The following RNASEH2B variants were observed in gnomAD, a reference collection of about 807,000 sequenced individuals.
RNASEH2B encodes Aicardi-Goutieres syndrome 2 protein.
In RNASEH2B, 36 loss-of-function variants were observed where a neutral mutation model predicts 45.0. That is an observed-to-expected ratio of 0.80 (90% confidence interval 0.61 to 1.06). The LOEUF (loss-of-function observed/expected upper bound fraction) is 1.06. RNASEH2B is among the 50% of genes least tolerant of loss of function. The pLI, the probability that RNASEH2B is intolerant of heterozygous loss-of-function variation, is 0.00. For synonymous variants in RNASEH2B, 119 were observed against 125.7 expected, an observed-to-expected ratio of 0.95 and a Z score of 0.35; for missense variants, 361 against 360.3, an observed-to-expected ratio of 1.00 and a Z score of -0.02.
At chr13:50,960,803 A>AT (rs1285191686), downstream of RNASEH2B, among the ~76,000 whole-genome samples, 1 of 152,160 alleles carries the variant, frequency 6.6e-6, no homozygotes, top group African/African-American at 2.4e-5. Context: ...CTAGCTTTCC[A>AT]TTTTTTCCAA....
intron 1 of RNASEH2B, among the ~76,000 whole-genome samples, chr13:50,919,639 G>A (rs1450272854): frequency 1.3e-5 from 2 of 152,192 alleles, no homozygotes; most frequent in Non-Finnish European, 2.9e-5. Flanking sequence ...TTTCCAAGCT[G>A]CAGTTTGTGC....
intron 1 of RNASEH2B, among the ~76,000 whole-genome samples, chr13:50,918,555 C>T (rs1036147479): frequency 2.0e-5 from 3 of 152,192 alleles, no homozygotes; most frequent in African/African-American, 7.2e-5. Context: ...TGGTTTGCCT[C>T]TTGTAGTCTT....
downstream of RNASEH2B, among the ~76,000 whole-genome samples, chr13:50,960,517 T>A (rs1952101416): frequency 6.6e-6 from 1 of 152,178 alleles, no homozygotes; most frequent in Admixed American, 6.5e-5. Context: ...TCCTTAAGGT[T>A]TAAATTAATA....
At chr13:50,935,115 C>A in intron 5 of RNASEH2B, 116 bp downstream of exon 5, 1 of 726,764 alleles carries the variant, frequency 1.4e-6, no homozygotes, top group Non-Finnish European at 2.5e-6. Context: ...ATAGGGAAAA[C>A]TATCATTCAG....
intron 1 of RNASEH2B, 88 bp downstream of exon 1, chr13:50,910,228 G>A (rs1336791855): frequency 3.2e-6 from 3 of 926,820 alleles, no homozygotes; most frequent in Non-Finnish European, 2.9e-6. Flanking sequence ...CACCCCGGTG[G>A]CTCCCACTAC....
At chr13:50,948,644 T>A (rs2138002629) in intron 8 of RNASEH2B, 2 of 152,306 alleles carry the variant, frequency 1.3e-5, no homozygotes, top group South Asian at 4.1e-4. Flanking sequence ...GTGTTAGAAG[T>A]GTTTATTTTC....
chr13:50,943,234 C>A, intron 5 of RNASEH2B, 87 bp from the exon 6 acceptor site: 1 of 792,586 alleles, frequency 1.3e-6, no homozygotes, highest in Non-Finnish European at 2.1e-6. Flanking sequence ...ACAAAATATT[C>A]TTTAAATGGT....
At chr13:50,951,125 T>C (rs1379285411) in intron 9 of RNASEH2B, 1 of 152,276 alleles carries the variant, frequency 6.6e-6, no homozygotes, top group Non-Finnish European at 1.5e-5. Context: ...GATTTTGGCA[T>C]CTTGCTCTTC....
intron 9 of RNASEH2B, 115 bp from the exon 10 acceptor site, chr13:50,953,790 T>A (rs1593479818): frequency 4.2e-6 from 3 of 717,172 alleles, no homozygotes; most frequent in East Asian, 5.4e-5. Flanking sequence ...TTGCTGGGTC[T>A]GCTGTCCCAT....
chr13:50,911,084 C>G (rs561649378), intron 1 of RNASEH2B: 8 of 152,150 alleles, frequency 5.3e-5, no homozygotes, highest in Non-Finnish European at 2.9e-5. Context: ...AAGTATGCAA[C>G]TCACTGAACT....
At chr13:50,956,071 T>C (rs552987508) in intron 10 of RNASEH2B, 3 of 337,982 alleles carry the variant, frequency 8.9e-6, no homozygotes, top group African/African-American at 6.4e-5. Flanking sequence ...TTGTACTTTA[T>C]GCACCCTCCA....
intron 9 of RNASEH2B, 31 bp downstream of exon 9, chr13:50,949,536 G>T (rs200081827): frequency 3.5e-5 from 56 of 1,597,780 alleles, no homozygotes; most frequent in Non-Finnish European, 4.5e-5. Flanking sequence ...TATCTTTGGG[G>T]GACTTAGAAA....
At chr13:50,960,193 T>C, downstream of RNASEH2B, 3 of 1,021,404 alleles carry the variant, frequency 2.9e-6, no homozygotes, top group Non-Finnish European at 3.8e-6. Context: ...TATTTTTATA[T>C]ATTTATCTTT....
intron 5 of RNASEH2B, among the ~76,000 whole-genome samples, chr13:50,939,664 T>C (rs1951810484): frequency 6.6e-6 from 1 of 152,098 alleles, no homozygotes; most frequent in African/African-American, 2.4e-5. Flanking sequence ...AGTGTGAAGA[T>C]AATTCAGTGG....
chr13:50,943,202 A>T, intron 5 of RNASEH2B, 119 bp from the exon 6 acceptor site: 1 of 690,240 alleles, frequency 1.4e-6, no homozygotes, highest in Non-Finnish European at 2.5e-6. Context: ...TTGTAAATTA[A>T]GCTTTTCAAG....
At chr13:50,952,962 TC>T (rs1951996212) in intron 9 of RNASEH2B, 1 of 152,134 alleles carries the variant, frequency 6.6e-6, no homozygotes, top group Non-Finnish European at 1.5e-5. Context: ...TAGCACCAAC[TC>T]TACCCGTTCT....
chr13:50,949,468 C>G lies in RNASEH2B; in HGVS notation c.704C>G (p.Pro235Arg). Residue 235 changes from proline to arginine, a missense_variant, in exon 9 of 11, where the codon CCA (proline) becomes CGA (arginine). Physicochemically the swap from Pro to Arg is moderately radical, Grantham distance 103. Coordinates refer to ENST00000336617, the MANE Select transcript of RNASEH2B (RefSeq NM_024570.4). The stretch of plus-strand genomic sequence containing the variant: ...GTTATTTTTAACTTTCTTAGGCTTC[C>G]AGAACCTTCAGCCTCATTGCCAAAT... Reference protein sequence around the residue: ...SDDLSKYLKLPEPSASLPNPP... With the variant: ...SDDLSKYLKLREPSASLPNPP... 6.2e-7 allele frequency: 1 copy of G among 1,613,354 alleles called. No homozygotes were observed. Among genetic ancestry groups the G allele is most frequent in the Non-Finnish European group, 8.5e-7 (1 of 1,179,474 alleles).
intron 5 of RNASEH2B, chr13:50,941,044 A>C (rs567626780): frequency 1.3e-5 from 2 of 152,210 alleles, no homozygotes; most frequent in Admixed American, 6.5e-5. Context: ...ATGGTTTATT[A>C]ATTGATTCTG....
At chr13:50,957,727 A>G (rs1397075368), downstream of RNASEH2B, among the ~76,000 whole-genome samples, 1 of 152,230 alleles carries the variant, frequency 6.6e-6, no homozygotes, top group Non-Finnish European at 1.5e-5. Flanking sequence ...CATTCTCACC[A>G]AAAGTGTTCC....
Sources: gnomAD v4.1 joint callset for allele counts (sites outside exome capture counted in the v4.1 genomes callset) on GRCh38, gnomAD v4.1.1 for gene constraint, MANE v1.5 for transcripts, NCBI Gene and HGNC (gene_info 2026-07-23, HGNC 2026-07-21) for gene names.